NPAT: variants seen among roughly 807,000 people sequenced by gnomAD.
NPAT encodes the protein nuclear protein, coactivator of histone transcription, also known as protein NPAT.
Under a neutral mutation model 130.7 loss-of-function variants are expected in NPAT, and 52 were observed. The ratio of observed to expected loss-of-function variants is 0.40; its 90% confidence interval spans 0.32 to 0.50. The LOEUF (loss-of-function observed/expected upper bound fraction) is 0.50. Ranked by LOEUF, NPAT falls within the 20% of genes least tolerant of loss-of-function variation. NPAT has a pLI of 0.68. For synonymous variants in NPAT, 580 were observed against 584.8 expected (o/e 0.99, Z 0.12); for missense variants, 1,687 against 1,662.6 (o/e 1.01, Z -0.26).
rs532554869 is a variant in NPAT, at chr11:108,213,363, A to G, written c.37+9137T>C. On this transcript the variant is annotated intron_variant, in intron 1 of 17. Coordinates refer to ENST00000278612, the MANE Select transcript of NPAT (RefSeq NM_002519.3). Reference sequence around the variant, plus strand: ...ATACACAGTGAATATATAAAAGTCAATAAATCTCAATGAACTACCAAAAAT... The same window carrying G: ...ATACACAGTGAATATATAAAAGTCAGTAAATCTCAATGAACTACCAAAAAT... Among the ~76,000 whole-genome samples, 53 of 152,350 alleles carry G rather than the reference A, an allele frequency of 3.5e-4. No homozygotes were observed. The East Asian group carries it at 9.4e-3, about 27-fold the overall frequency.
At position 108,207,550 on chromosome 11, in the gene NPAT, C is replaced by A. The variant is rs1163232857; in HGVS notation, c.38-10130G>T. Among the ~76,000 whole-genome samples the A allele has an allele frequency of 2.6e-5, 4 of 152,234 alleles. 1 individual carries two copies. Among genetic ancestry groups the A allele is most frequent in the Admixed American group, 2.0e-4 (3 of 15,284 alleles). On this transcript the variant is annotated intron_variant, in intron 1 of 17. Transcript: ENST00000278612. ...TCAGAGCTCAAAGTCCAGAGGGGGA[C>A]CGAGGCAGCATGAGGCTGGTGTGTT...
At chr11:108,192,886 G>A (rs755448238) in intron 3 of NPAT, among the ~76,000 whole-genome samples, 20 of 152,090 alleles carry the variant, frequency 1.3e-4, no homozygotes, top group Non-Finnish European at 2.5e-4. Flanking sequence ...CCCGGGAGAC[G>A]GAGGTTGCGG....
At position 108,189,120 on chromosome 11, in the gene NPAT, T is replaced by C; in HGVS notation, c.542A>G (p.Gln181Arg). 2 of 1,613,726 alleles carry C rather than the reference T, an allele frequency of 1.2e-6. No individual in the cohort carries two copies. The highest frequency in any genetic ancestry group is 1.7e-6 in the Non-Finnish European group (2 of 1,179,694). The change falls in exon 6 of 18, where the codon CAA becomes CGA. Residue 181 changes from glutamine (Q) to arginine (R), a missense_variant. Gln to Arg is a conservative substitution (Grantham distance 43). Coordinates refer to ENST00000278612, the MANE Select transcript of NPAT (RefSeq NM_002519.3). ...TGTAAACTTACTGGTTACAGTATCTTGTGACTGTGAGTGGTTGACCACTAC... is the reference window on the plus strand; with the variant it reads ...TGTAAACTTACTGGTTACAGTATCTCGTGACTGTGAGTGGTTGACCACTAC... ...YFVVVNHSQS[Q>R]DTVTTGEALN...
At chr11:108,177,149 A>ATT (rs1443424024) in intron 10 of NPAT, 59 bp from the exon 11 acceptor site, 6 of 753,364 alleles carry the variant, frequency 8.0e-6, no homozygotes, top group African/African-American at 1.8e-5. Context: ...ATATTTACAT[A>ATT]TTATATATAT....
intron 5 of NPAT, 56 bp from the exon 6 acceptor site, chr11:108,189,386 G>A (rs934070145): frequency 6.7e-7 from 1 of 1,499,094 alleles, no homozygotes; most frequent in Non-Finnish European, 9.3e-7. Flanking sequence ...TTTGGGAATT[G>A]TAAGAAGTCA....
Position 108,172,817 on chromosome 11 carries a change from TATC to T in NPAT, c.2164_2166del (p.Asp722del). On this transcript the variant is annotated inframe_deletion, in exon 13 of 18. Coordinates refer to ENST00000278612, the MANE Select transcript of NPAT (RefSeq NM_002519.3). ...TCTGCTGAGTTGTTGCTAGAAGGTT[TATC>T]ATCAGTATTTTGGGACTCAGGGTGA... 1 of 1,613,788 alleles carries T rather than the reference TATC, an allele frequency of 6.2e-7. No homozygotes were observed. The highest frequency in any genetic ancestry group is 8.5e-7 in the Non-Finnish European group (1 of 1,179,958).
chr11:108,176,472 G>A, intron 11 of NPAT, 98 bp from the exon 12 acceptor site: 3 of 917,772 alleles, frequency 3.3e-6, no homozygotes, highest in Non-Finnish European at 5.2e-6. Context: ...GTTAAACTTC[G>A]ATTTAGGGTT....
intron 1 of NPAT, among the ~76,000 whole-genome samples, chr11:108,221,576 C>G (rs4987874): frequency 0.012 from 1,882 of 152,302 alleles, 18 homozygotes; most frequent in Non-Finnish European, 0.021. Flanking sequence ...AGGCACAAGA[C>G]AAATGGGTTT....
Position 108,173,081 on chromosome 11 carries a change from G to T in NPAT, c.1903C>A (p.Pro635Thr). 6.2e-7 allele frequency: 1 copy of T among 1,614,062 alleles called. No individual in the cohort carries two copies. The highest frequency in any genetic ancestry group is 8.5e-7 in the Non-Finnish European group (1 of 1,180,000). ...LGDSLSSTKQ[P>T]SNDSASVELN... is the part of the protein sequence containing the mutation. ...TCAACAGATGCTGAATCATTAGATGGTTGTTTAGTAGAAGACAGCGAATCT... is the reference window on the plus strand; with the variant it reads ...TCAACAGATGCTGAATCATTAGATGTTTGTTTAGTAGAAGACAGCGAATCT... Residue 635 changes from proline (P) to threonine (T), a missense_variant, in exon 13 of 18, where the codon CCA becomes ACA. Transcript: ENST00000278612.
chr11:108,169,118 A>G (rs2077926649), intron 15 of NPAT, among the ~76,000 whole-genome samples: 1 of 152,210 alleles, frequency 6.6e-6, no homozygotes, highest in African/African-American at 2.4e-5. Context: ...TTAGATGAAA[A>G]ATGACAAATA....
chr11:108,177,045 G>C lies in NPAT; in HGVS notation c.952C>G (p.Gln318Glu). ...TGAAATGCTGGGTCTGATTCTGTCTGTTCCAATATGTCCTGTATAGCTTCT... is the reference window on the plus strand; with the variant it reads ...TGAAATGCTGGGTCTGATTCTGTCTCTTCCAATATGTCCTGTATAGCTTCT... ...SEEAIQDILE[Q>E]TESDPAFQAL... The change falls in exon 11 of 18, where the codon CAG becomes GAG. Residue 318 changes from glutamine (Q) to glutamate (E), a missense_variant. Gln to Glu is a conservative substitution (Grantham distance 29, BLOSUM62 2). Coordinates refer to ENST00000278612, the MANE Select transcript of NPAT (RefSeq NM_002519.3). The C allele has an allele frequency of 1.2e-6, 2 of 1,613,396 alleles. No individual in the cohort carries two copies. The highest frequency in any genetic ancestry group is 1.7e-6 in the Non-Finnish European group (2 of 1,179,502).
At chr11:108,179,913 T>C (rs1369222207) in intron 10 of NPAT, among the ~76,000 whole-genome samples, 2 of 152,146 alleles carry the variant, frequency 1.3e-5, no homozygotes, top group African/African-American at 2.4e-5. Context: ...AATAGACAAA[T>C]AGGACTACAT....
At chr11:108,201,101 G>A (rs751641113) in intron 1 of NPAT, among the ~76,000 whole-genome samples, 1 of 152,154 alleles carries the variant, frequency 6.6e-6, no homozygotes, top group Non-Finnish European at 1.5e-5. Flanking sequence ...AGGACAGTAA[G>A]GCTTGTCTTA....
At chr11:108,204,941 T>C (rs1332071824) in intron 1 of NPAT, among the ~76,000 whole-genome samples, 2 of 152,118 alleles carry the variant, frequency 1.3e-5, no homozygotes, top group Non-Finnish European at 2.9e-5. Context: ...AAAGAATATT[T>C]GAAGAAATAA....
chr11:108,202,693 A>T (rs1301385022), intron 1 of NPAT, among the ~76,000 whole-genome samples: 4 of 152,096 alleles, frequency 2.6e-5, no homozygotes. Flanking sequence ...TAATCCCCTC[A>T]AGCAACATCT....
At chr11:108,166,381 G>C (rs924735780) in intron 15 of NPAT, among the ~76,000 whole-genome samples, 3 of 151,882 alleles carry the variant, frequency 2.0e-5, no homozygotes, top group African/African-American at 7.3e-5. Flanking sequence ...GACAGAGCAA[G>C]ACTCCCATCT....
intron 12 of NPAT, among the ~76,000 whole-genome samples, chr11:108,175,350 T>C (rs969019669): frequency 1.3e-5 from 2 of 152,128 alleles, no homozygotes; most frequent in East Asian, 1.9e-4. Flanking sequence ...ATATCCCCCA[T>C]AGATAAGGGG....
intron 1 of NPAT, among the ~76,000 whole-genome samples, chr11:108,200,318 T>C (rs1261590468): frequency 6.6e-6 from 1 of 152,176 alleles, no homozygotes. Flanking sequence ...GGAAAGCCTT[T>C]AATCTGATAT....
chr11:108,202,713 T>C (rs2078285615), intron 1 of NPAT, among the ~76,000 whole-genome samples: 1 of 152,116 alleles, frequency 6.6e-6, no homozygotes, highest in African/African-American at 2.4e-5. Flanking sequence ...TTCTCCCTTC[T>C]GGAACCCAAA....
Sources: allele counts gnomAD v4.1 joint callset (sites outside exome capture counted in the v4.1 genomes callset), GRCh38; gene constraint gnomAD v4.1.1; transcripts MANE v1.5; gene names NCBI Gene and HGNC (gene_info 2026-07-23, HGNC 2026-07-21).